RTN4: variants seen among roughly 807,000 people sequenced by gnomAD.
RTN4 encodes reticulon-4.
Under a neutral mutation model 90.4 loss-of-function variants are expected in RTN4, and 32 were observed. The observed-to-expected ratio is 0.35, with a 90% CI of 0.27 to 0.48. The LOEUF (loss-of-function observed/expected upper bound fraction) is 0.48. Among genes scored for constraint, RTN4 ranks in the 20% least tolerant of loss-of-function variants. The pLI, the probability that RTN4 is intolerant of heterozygous loss-of-function variation, is 0.99. For synonymous variants in RTN4, 629 were observed against 552.5 expected, an observed-to-expected ratio of 1.14 and a Z score of -1.94; for missense variants, 1,706 against 1,430.2, an observed-to-expected ratio of 1.19 and a Z score of -3.11.
intron 3 of RTN4, among the ~76,000 whole-genome samples, chr2:55,001,611 CA>C (rs1351930260): frequency 2.0e-5 from 3 of 152,174 alleles, no homozygotes; most frequent in African/African-American, 7.2e-5. Context: ...CCCAAATCAA[CA>C]GTGCAAAATT....
chr2:55,017,014 A>G (rs919757647), intron 3 of RTN4, among the ~76,000 whole-genome samples: 25 of 152,208 alleles, frequency 1.6e-4, no homozygotes, highest in Non-Finnish European at 7.4e-5. Context: ...TAAGCACTAA[A>G]TAAATCCTCA....
chr2:55,049,699 GGAGGGGCGC>G (rs550010409), intron 1 of RTN4, 37 bp downstream of exon 1: 3 of 1,430,696 alleles, frequency 2.1e-6, no homozygotes, highest in African/African-American at 1.5e-5. Flanking sequence ...CACAAAAGAG[GGAGGGGCGC>G]GAGGGGCGGC....
At chr2:55,129,140 G>T in the RTN4 span, among the ~76,000 whole-genome samples, 1 of 150,502 alleles carries the variant, frequency 6.6e-6, no homozygotes, top group African/African-American at 2.5e-5. Context: ...AAAGAAAAGG[G>T]GGTGGGAGGC....
chr2:55,050,731 T>A (rs201225535), upstream of RTN4: 4 of 154,060 alleles, frequency 2.6e-5, no homozygotes, highest in African/African-American at 9.6e-5. This position sits in a 1 kb window ranked among gnomAD's most constrained non-coding sequence, Gnocchi z 4.6. Flanking sequence ...TGGGATTGCG[T>A]TCAATGGGCG....
At chr2:55,098,247 G>A (rs1485193177) in intron 1 of RTN4, among the ~76,000 whole-genome samples, 1 of 152,106 alleles carries the variant, frequency 6.6e-6, no homozygotes, top group African/African-American at 2.4e-5. Flanking sequence ...TTGTGGTGGA[G>A]ATTTAAGGAT....
At chr2:55,135,342 G>A in the RTN4 span, among the ~76,000 whole-genome samples, 31 of 151,324 alleles carry the variant, frequency 2.0e-4, no homozygotes, top group African/African-American at 6.3e-4. Flanking sequence ...TGAGTAGCTC[G>A]ATTACACGTG....
chr2:55,078,859 G>C (rs995309771), intron 2 of RTN4, among the ~76,000 whole-genome samples: 1 of 152,040 alleles, frequency 6.6e-6, no homozygotes, highest in South Asian at 2.1e-4. Flanking sequence ...TTAAAAGAAA[G>C]GATGATCACA....
intron 1 of RTN4, among the ~76,000 whole-genome samples, chr2:55,036,855 G>T (rs1573446421): frequency 6.6e-6 from 1 of 151,994 alleles, no homozygotes; most frequent in Non-Finnish European, 1.5e-5. Flanking sequence ...CATACTTAAA[G>T]GTGAAAGACT....
the RTN4 span, among the ~76,000 whole-genome samples, chr2:55,137,714 C>A: frequency 6.6e-6 from 1 of 152,122 alleles, no homozygotes; most frequent in Non-Finnish European, 1.5e-5. Flanking sequence ...TCAGTCTCCC[C>A]CATGGCGCTC....
intron 2 of RTN4, among the ~76,000 whole-genome samples, chr2:55,074,517 CAAAAAA>C (rs778275041): frequency 1.0e-4 from 6 of 59,636 alleles, no homozygotes; most frequent in African/African-American, 3.5e-4. Flanking sequence ...CTGCCCTCAC[CAAAAAA>C]AAAAAAAAAA....
At chr2:55,122,433 G>A in the RTN4 span, among the ~76,000 whole-genome samples, 4 of 152,314 alleles carry the variant, frequency 2.6e-5, no homozygotes, top group South Asian at 8.3e-4. Context: ...TGCAACCTGT[G>A]TAGTCATTTG....
Position 54,973,202 on chromosome 2 carries a change from A to AAAAT in RTN4, c.3537-8_3537-5dup, listed in dbSNP as rs1677265357. The AAAAT allele has an allele frequency of 3.7e-6, 6 of 1,602,450 alleles. No individual in the cohort carries two copies. The Admixed American group carries it at 1.0e-4, about 27-fold the overall frequency. ...TCCAGGGATTTTTGCTTGGATTCTG[A>AAAAT]AAATGAAAAAGTCAATGTAAATATC... On this transcript the variant is annotated splice_region_variant and splice_polypyrimidine_tract_variant and intron_variant, in intron 8 of 8. Coordinates refer to ENST00000337526, the MANE Select transcript of RTN4 (RefSeq NM_020532.5).
upstream of RTN4, among the ~76,000 whole-genome samples, chr2:55,115,630 C>G (rs1467828959): frequency 2.6e-5 from 4 of 152,200 alleles, no homozygotes; most frequent in African/African-American, 7.2e-5. Context: ...ATGCTACTGC[C>G]CAAGAAAGCA....
In RTN4 at chr2:54,997,290, C is replaced by G. The variant is rs1021282218; in HGVS notation, c.3014-9592G>C. Among the ~76,000 whole-genome samples the G allele has an allele frequency of 2.0e-5, 3 of 152,000 alleles. 1 individual carries two copies. Among genetic ancestry groups the G allele is most frequent in the Non-Finnish European group, 4.4e-5 (3 of 67,944 alleles). On this transcript the variant is annotated intron_variant, in intron 3 of 8. Transcript: ENST00000337526. ...CATTTAGTCATTATAAAAATGCAAA[C>G]CAAAACCACAATGAGATACCACTTC...
chr2:55,015,353 T>G (rs1257038367), intron 3 of RTN4, among the ~76,000 whole-genome samples: 2 of 152,080 alleles, frequency 1.3e-5, no homozygotes, highest in African/African-American at 4.8e-5. Context: ...TTTAAATAGA[T>G]CAGAACTAAG....
intron 1 of RTN4, among the ~76,000 whole-genome samples, chr2:55,109,659 T>C (rs1311933554): frequency 6.6e-6 from 1 of 152,220 alleles, no homozygotes; most frequent in African/African-American, 2.4e-5. Flanking sequence ...TTGTTGATGC[T>C]CTGGAGCAAG....
At chr2:55,130,848 G>A in the RTN4 span, among the ~76,000 whole-genome samples, 9 of 152,146 alleles carry the variant, frequency 5.9e-5, no homozygotes. Context: ...CATGAAGGGA[G>A]GTGGCTTGCA....
the RTN4 span, among the ~76,000 whole-genome samples, chr2:55,131,028 A>C: frequency 1.3e-5 from 2 of 152,016 alleles, no homozygotes; most frequent in African/African-American, 2.4e-5. Flanking sequence ...AAAAACAAGC[A>C]CTTAATTCAC....
intron 1 of RTN4, among the ~76,000 whole-genome samples, chr2:55,032,659 T>A: frequency 6.6e-6 from 1 of 150,700 alleles, no homozygotes; most frequent in African/African-American, 2.4e-5. Context: ...AAAGGGCAAG[T>A]GAAAAAAGGA....
Sources: gnomAD v4.1 joint callset for allele counts (sites outside exome capture counted in the v4.1 genomes callset) on GRCh38, gnomAD v4.1.1 for gene constraint, Gnocchi (gnomAD v3.1) non-coding constraint, MANE v1.5 for transcripts, NCBI Gene and HGNC (gene_info 2026-07-23, HGNC 2026-07-21) for gene names.